NVL: variants seen among roughly 807,000 people sequenced by gnomAD.
NVL encodes the protein nuclear VCP like.
A neutral mutation model predicts 110.2 loss-of-function variants in NVL; 84 were observed. The ratio of observed to expected loss-of-function variants is 0.76; its 90% confidence interval spans 0.64 to 0.91. NVL has a LOEUF of 0.91. NVL is among the 40% of genes least tolerant of loss of function. NVL has a pLI of 0.00. For synonymous variants in NVL, 354 were observed against 361.1 expected (o/e 0.98, Z 0.22); for missense variants, 882 against 1,035.9 (o/e 0.85, Z 2.04).
chr1:224,290,750 T>G (rs1384683854), intron 12 of NVL, among the ~76,000 whole-genome samples: 4 of 140,650 alleles, frequency 2.8e-5, no homozygotes, highest in African/African-American at 1.1e-4. Context: ...TGCAGTGAGC[T>G]GAGATCAGGC....
At chr1:224,293,116 C>T (rs1269224425) in intron 12 of NVL, among the ~76,000 whole-genome samples, 2 of 150,312 alleles carry the variant, frequency 1.3e-5, no homozygotes, top group African/African-American at 4.9e-5. Context: ...GTCGCCCAGG[C>T]TGGAGTGCAG....
At chr1:224,229,605 G>A (rs1435758348) in intron 22 of NVL, among the ~76,000 whole-genome samples, 1 of 150,378 alleles carries the variant, frequency 6.6e-6, no homozygotes, top group African/African-American at 2.4e-5. Flanking sequence ...CTACAGGTGC[G>A]CGCCCAGCTA....
intron 4 of NVL, 29 bp downstream of exon 4, chr1:224,317,665 T>C (rs374516820): frequency 2.1e-4 from 288 of 1,339,584 alleles, no homozygotes; most frequent in Non-Finnish European, 2.8e-4. Context: ...GTTCATGGTT[T>C]AAAAAAACCC....
intron 18 of NVL, among the ~76,000 whole-genome samples, chr1:224,264,698 C>G (rs1365514212): frequency 6.6e-6 from 1 of 151,578 alleles, no homozygotes; most frequent in African/African-American, 2.4e-5. Flanking sequence ...AGCAGAACTG[C>G]CAAATAAGCA....
intron 19 of NVL, among the ~76,000 whole-genome samples, chr1:224,238,318 C>T (rs1037377614): frequency 1.3e-5 from 2 of 152,178 alleles, no homozygotes; most frequent in African/African-American, 4.8e-5. Flanking sequence ...CAGGTGAGGG[C>T]CACAGCACCT....
intron 4 of NVL, among the ~76,000 whole-genome samples, chr1:224,316,027 T>C (rs960423558): frequency 1.3e-5 from 2 of 151,932 alleles, no homozygotes; most frequent in Non-Finnish European, 2.9e-5. Context: ...GACCCCCATT[T>C]CTACAAAAAA....
chr1:224,238,486 G>A (rs1343750890), intron 19 of NVL, among the ~76,000 whole-genome samples: 1 of 152,164 alleles, frequency 6.6e-6, no homozygotes, highest in Non-Finnish European at 1.5e-5. Context: ...CTGCCTCCCA[G>A]CAGGGCATGT....
chr1:224,281,737 G>A (rs1666355405), intron 15 of NVL, among the ~76,000 whole-genome samples: 1 of 151,416 alleles, frequency 6.6e-6, no homozygotes, highest in African/African-American at 2.4e-5. Context: ...TGGATCACCT[G>A]AGGTCAGGAG....
rs61729123 is a variant in NVL, at chr1:224,308,151, C to T, written c.455G>A (p.Arg152Gln). ...EQRETTSSTP[R>Q]ISSKTGSIPL... Reference sequence around the variant, plus strand: ...AATGGAGCCTGTTTTGGAACTTATCCGTGGTGTTGAAGAGGTGGTTTCTCT... The same window carrying T: ...AATGGAGCCTGTTTTGGAACTTATCTGTGGTGTTGAAGAGGTGGTTTCTCT... Residue 152 changes from arginine (R) to glutamine (Q), a missense_variant, in exon 6 of 23, where the codon CGG becomes CAG. Transcript: ENST00000281701. The T allele has an allele frequency of 2.9e-3, 4,619 of 1,613,986 alleles. 10 individuals are homozygous for T. Among genetic ancestry groups the T allele is most frequent in the South Asian group, 3.4e-3 (310 of 91,062 alleles).
chr1:224,290,412 T>C (rs893327230), intron 12 of NVL, among the ~76,000 whole-genome samples: 2 of 152,284 alleles, frequency 1.3e-5, no homozygotes, highest in Non-Finnish European at 2.9e-5. Context: ...ATCCCAGCAC[T>C]CTGGGAGGCT....
chr1:224,306,262 T>A (rs769311720), intron 6 of NVL, among the ~76,000 whole-genome samples: 2 of 152,130 alleles, frequency 1.3e-5, no homozygotes, highest in Non-Finnish European at 2.9e-5. Context: ...ATTCCAACTC[T>A]TAAAAAAAAA....
chr1:224,252,346 G>A (rs1662599310), intron 18 of NVL, among the ~76,000 whole-genome samples: 1 of 151,896 alleles, frequency 6.6e-6, no homozygotes, highest in Admixed American at 6.6e-5. Flanking sequence ...GACCATTCCT[G>A]ACTCCTCCAC....
At chr1:224,255,757 T>C (rs1183688541) in intron 18 of NVL, among the ~76,000 whole-genome samples, 2 of 152,248 alleles carry the variant, frequency 1.3e-5, no homozygotes, top group Admixed American at 1.3e-4. Flanking sequence ...TGCTCTTTTA[T>C]GGTTTACGCT....
intron 16 of NVL, 33 bp from the exon 17 acceptor site, chr1:224,275,491 A>G: frequency 6.2e-7 from 1 of 1,613,574 alleles, no homozygotes; most frequent in South Asian, 1.1e-5. Context: ...TAAAATACCA[A>G]CAGTTCAACT....
At chr1:224,310,159 A>G (rs1362574890) in intron 5 of NVL, among the ~76,000 whole-genome samples, 1 of 149,768 alleles carries the variant, frequency 6.7e-6, no homozygotes, top group Non-Finnish European at 1.5e-5. Flanking sequence ...AGCCTGGGCG[A>G]CAGAGTGAGA....
At chr1:224,239,469 T>A (rs10799551) in intron 19 of NVL, among the ~76,000 whole-genome samples, 1 of 152,066 alleles carries the variant, frequency 6.6e-6, no homozygotes, top group Admixed American at 6.6e-5. Context: ...TGCCACATTA[T>A]GTAGGAGCCC....
intron 2 of NVL, among the ~76,000 whole-genome samples, chr1:224,324,165 C>G (rs1670920855): frequency 6.6e-6 from 1 of 152,124 alleles, no homozygotes; most frequent in Non-Finnish European, 1.5e-5. Flanking sequence ...ATACTATAGG[C>G]AACTGTAACA....
intron 19 of NVL, among the ~76,000 whole-genome samples, chr1:224,240,491 G>A (rs577969273): frequency 5.2e-4 from 79 of 152,146 alleles, no homozygotes; most frequent in South Asian, 1.7e-3. Context: ...GATTACAGGC[G>A]TGAGCCACAG....
At chr1:224,270,097 A>T (rs1664932840) in intron 17 of NVL, among the ~76,000 whole-genome samples, 1 of 151,878 alleles carries the variant, frequency 6.6e-6, no homozygotes, top group Non-Finnish European at 1.5e-5. Flanking sequence ...TAGAAAAAAA[A>T]AAATTGGTGC....
Sources: gnomAD v4.1 joint callset for allele counts (sites outside exome capture counted in the v4.1 genomes callset) on GRCh38, gnomAD v4.1.1 for gene constraint, MANE v1.5 for transcripts, NCBI Gene and HGNC (gene_info 2026-07-23, HGNC 2026-07-21) for gene names.